The following DLGAP4 variants were observed in gnomAD, a reference collection of about 807,000 sequenced individuals.
The protein encoded by DLGAP4 is DLG associated protein 4.
In DLGAP4, 18 loss-of-function variants were observed where a neutral mutation model predicts 86.9. The observed-to-expected ratio is 0.21, with a 90% CI of 0.14 to 0.31. The LOEUF (loss-of-function observed/expected upper bound fraction) is 0.31, where lower values mean the gene tolerates loss of function less well. Ranked by LOEUF, DLGAP4 falls within the 10% of genes least tolerant of loss-of-function variation. The pLI, the probability that DLGAP4 is intolerant of heterozygous loss-of-function variation, is 1.00. For synonymous variants in DLGAP4, 548 were observed against 574.3 expected (o/e 0.95, Z 0.65); for missense variants, 1,085 against 1,362.6 (o/e 0.80, Z 3.21).
chr20:36,316,920 G>T (rs979446832), intron 1 of DLGAP4, among the ~76,000 whole-genome samples: 1 of 152,226 alleles, frequency 6.6e-6, no homozygotes, highest in Non-Finnish European at 1.5e-5. Flanking sequence ...CCGGCTGCCT[G>T]TTTGGCTTGC....
chr20:36,378,789 G>A (rs1270397385), intron 2 of DLGAP4, among the ~76,000 whole-genome samples: 2 of 152,044 alleles, frequency 1.3e-5, no homozygotes, highest in Non-Finnish European at 2.9e-5. Flanking sequence ...ACGCTTGAGT[G>A]TCAGCCACAG....
Position 36,308,667 on chromosome 20 carries a change from TA to T in DLGAP4, c.-304+2158del, listed in dbSNP as rs1239630140. On this transcript the variant is annotated intron_variant, in intron 1 of 12. Transcript: ENST00000339266. This position sits in a 1 kb window ranked among gnomAD's most constrained non-coding sequence, Gnocchi z 4.5. ...TGTGGTTTGTGAGCCACAGGCTTCG[TA>T]AATGCCAGCAGTTTCACATGATGGG... 2.0e-5 allele frequency among the ~76,000 whole-genome samples: 3 copies of T among 152,186 alleles called. No homozygotes were observed. Among genetic ancestry groups the T allele is most frequent in the African/African-American group, 7.2e-5 (3 of 41,434 alleles).
intron 5 of DLGAP4, among the ~76,000 whole-genome samples, chr20:36,440,333 C>A (rs1366396286): frequency 6.6e-6 from 1 of 152,136 alleles, no homozygotes; most frequent in East Asian, 1.9e-4. Context: ...GTGTGCTCAG[C>A]AGAGGGTAGC....
chr20:36,402,172 T>A (rs1974486628), intron 2 of DLGAP4, among the ~76,000 whole-genome samples: 1 of 152,208 alleles, frequency 6.6e-6, no homozygotes, highest in South Asian at 2.1e-4. Context: ...CCAGGTTCCG[T>A]GCTAGGGCTC....
chr20:36,434,519 G>A (rs2033217822), intron 3 of DLGAP4, among the ~76,000 whole-genome samples: 1 of 152,192 alleles, frequency 6.6e-6, no homozygotes, highest in African/African-American at 2.4e-5. Flanking sequence ...ACCATGAGAG[G>A]GTAGCCCTGT....
chr20:36,318,149 CACACACACAG>C (rs2065129124), intron 1 of DLGAP4, among the ~76,000 whole-genome samples: 1 of 132,154 alleles, frequency 7.6e-6, no homozygotes, highest in Non-Finnish European at 1.7e-5. Context: ...CACACACACA[CACACACACAG>C]TCTACTCCAG....
At chr20:36,470,658 T>C (rs561974878) in intron 7 of DLGAP4, among the ~76,000 whole-genome samples, 35 of 152,292 alleles carry the variant, frequency 2.3e-4, no homozygotes, top group African/African-American at 8.4e-4. Flanking sequence ...TGAGGTTTCC[T>C]TATAGAAATA....
intron 7 of DLGAP4, among the ~76,000 whole-genome samples, chr20:36,463,010 T>TG (rs1418451346): frequency 5.8e-4 from 11 of 18,864 alleles, no homozygotes; most frequent in African/African-American, 1.9e-3. Flanking sequence ...TGCAGGGGGG[T>TG]GGGGGTGGGG....
chr20:36,337,189 G>A (rs1376226082), intron 1 of DLGAP4, among the ~76,000 whole-genome samples: 1 of 152,168 alleles, frequency 6.6e-6, no homozygotes, highest in East Asian at 1.9e-4. Flanking sequence ...CAGCCCCAGC[G>A]TGATCTACAT....
At chr20:36,423,267 G>A (rs992060353) in intron 2 of DLGAP4, among the ~76,000 whole-genome samples, 5 of 151,658 alleles carry the variant, frequency 3.3e-5, no homozygotes, top group Non-Finnish European at 7.4e-5. Flanking sequence ...TTCGAGACCT[G>A]GCCAATGGTG....
intron 1 of DLGAP4, among the ~76,000 whole-genome samples, chr20:36,315,082 T>C (rs1272414514): frequency 4.4e-5 from 6 of 136,048 alleles, no homozygotes; most frequent in South Asian, 2.3e-4. Flanking sequence ...GTGTGTGTTA[T>C]GTATGGTGTG....
chr20:36,348,866 C>T (rs1481440560), intron 1 of DLGAP4, among the ~76,000 whole-genome samples: 2 of 147,886 alleles, frequency 1.4e-5, no homozygotes, highest in Non-Finnish European at 3.0e-5. Flanking sequence ...TTTGGGAGGC[C>T]GATGTGGGTG....
chr20:36,405,577 G>T lies in DLGAP4; in HGVS notation c.-72-26069G>T, dbSNP rs186700861. Among the ~76,000 whole-genome samples, 4 of 152,242 alleles carry T rather than the reference G, an allele frequency of 2.6e-5. No individual in the cohort carries two copies. In the East Asian group the frequency reaches 7.7e-4, roughly 29 times the overall value. ...TTCTTTGAACACATCCTAGGCGTGT[G>T]CTATTTTAATAATGATGGTGGATGG... On this transcript the variant is annotated intron_variant, in intron 2 of 12. Coordinates refer to ENST00000339266, the MANE Select transcript of DLGAP4 (RefSeq NM_001365621.2).
chr20:36,464,626 G>T (rs891736369), intron 7 of DLGAP4, among the ~76,000 whole-genome samples: 6 of 152,086 alleles, frequency 3.9e-5, no homozygotes, highest in African/African-American at 1.4e-4. Flanking sequence ...GAGGCGGGCA[G>T]ATCACTGGAG....
chr20:36,344,362 C>G (rs1169521170), intron 1 of DLGAP4, among the ~76,000 whole-genome samples: 2 of 152,186 alleles, frequency 1.3e-5, no homozygotes, highest in South Asian at 4.1e-4. Flanking sequence ...AGCAAGCACC[C>G]AAGCAAAGTC....
At chr20:36,309,351 T>C (rs1459218515) in intron 1 of DLGAP4, among the ~76,000 whole-genome samples, 2 of 152,314 alleles carry the variant, frequency 1.3e-5, no homozygotes, top group South Asian at 2.1e-4. Context: ...CCTCTGGTGC[T>C]GAGAAGATGT....
At chr20:36,444,993 GT>G (rs1416942714) in intron 6 of DLGAP4, among the ~76,000 whole-genome samples, 1 of 151,456 alleles carries the variant, frequency 6.6e-6, no homozygotes, top group Non-Finnish European at 1.5e-5. Context: ...ATCTTGCTTT[GT>G]CCCCCAGGCT....
At chr20:36,447,348 C>A (rs1165036165) in intron 7 of DLGAP4, among the ~76,000 whole-genome samples, 1 of 152,242 alleles carries the variant, frequency 6.6e-6, no homozygotes, top group East Asian at 1.9e-4. Flanking sequence ...GGGGTCTGCA[C>A]TGAGCCTTCT....
At position 36,496,930 on chromosome 20, in the gene DLGAP4, G is replaced by T. The variant is rs2035912351; in HGVS notation, c.1874G>T (p.Gly625Val). The part of the protein sequence containing the change: ...STRPPSVTRG[G>V]VAPAPEAPEP... ...CGACCGCCCAGCGTGACACGGGGTG[G>T]AGTCGCCCCAGCCCCTGAGGCCCCA... The change falls in exon 8 of 13, where the codon GGA becomes GTA. Residue 625 changes from glycine (G) to valine (V), a missense_variant. Physicochemically the swap from Gly to Val is moderately radical, Grantham distance 109. Around this residue, in one of 2 missense-constraint regions of DLGAP4, gnomAD observed 1,082 missense variants for 1,344.1 expected, o/e 0.81. Coordinates refer to ENST00000339266, the MANE Select transcript of DLGAP4 (RefSeq NM_001365621.2). 1 of 1,614,058 alleles carries T rather than the reference G, an allele frequency of 6.2e-7. No individual in the cohort carries two copies. Among genetic ancestry groups the T allele is most frequent in the Non-Finnish European group, 8.5e-7 (1 of 1,180,042 alleles).
Sources: gnomAD v4.1 joint callset for allele counts (sites outside exome capture counted in the v4.1 genomes callset) on GRCh38, gnomAD v4.1.1 for gene constraint, gnomAD v4.1.1 regional missense constraint, Gnocchi (gnomAD v3.1) non-coding constraint, MANE v1.5 for transcripts, NCBI Gene and HGNC (gene_info 2026-07-23, HGNC 2026-07-21) for gene names.